The following ASIC2 variants were observed in gnomAD, a reference collection of about 807,000 sequenced individuals.
The protein encoded by ASIC2 is acid-sensing ion channel 2.
In ASIC2, 25 loss-of-function variants were observed where a neutral mutation model predicts 57.3. The observed-to-expected ratio is 0.44, with a 90% CI of 0.32 to 0.61. ASIC2 has a LOEUF of 0.61. ASIC2 is among the 20% of genes least tolerant of loss of function. ASIC2 has a pLI of 0.06. For missense variants in ASIC2, 641 were observed against 738.1 expected (o/e 0.87, Z 1.52); for synonymous variants, 319 against 307.5 (o/e 1.04, Z -0.39).
intron 1 of ASIC2, among the ~76,000 whole-genome samples, chr17:33,599,805 C>T (rs987643713): frequency 6.6e-6 from 1 of 152,126 alleles, no homozygotes; most frequent in African/African-American, 2.4e-5. Flanking sequence ...TGATTGCATC[C>T]TTGCTCCTCT....
intron 1 of ASIC2, among the ~76,000 whole-genome samples, chr17:33,975,768 C>T (rs1905364755): frequency 6.6e-6 from 1 of 152,108 alleles, no homozygotes; most frequent in Non-Finnish European, 1.5e-5. Flanking sequence ...TGTTTGCCTA[C>T]ATTTCTGTCT....
At chr17:33,424,423 C>T (rs898012237) in intron 1 of ASIC2, among the ~76,000 whole-genome samples, 6 of 151,994 alleles carry the variant, frequency 3.9e-5, no homozygotes, top group Non-Finnish European at 5.9e-5. Flanking sequence ...GTGGGGAGTC[C>T]GGGGAAAGCA....
At chr17:33,464,536 CTT>C (rs1175550882) in intron 1 of ASIC2, among the ~76,000 whole-genome samples, 4 of 31,052 alleles carry the variant, frequency 1.3e-4, no homozygotes, top group Non-Finnish European at 2.7e-4. Flanking sequence ...TTCTTTCTTT[CTT>C]TCTCTTTCTT....
chr17:33,770,468 TGCCAC>T (rs1911064547), intron 1 of ASIC2, among the ~76,000 whole-genome samples: 2 of 152,328 alleles, frequency 1.3e-5, no homozygotes, highest in African/African-American at 4.8e-5. Flanking sequence ...TTGTTGTTTT[TGCCAC>T]GACTGCTATT....
chr17:33,672,980 G>A (rs1249017443), intron 1 of ASIC2, among the ~76,000 whole-genome samples: 1 of 152,174 alleles, frequency 6.6e-6, no homozygotes, highest in African/African-American at 2.4e-5. Flanking sequence ...GTTACATAAC[G>A]CCCAGCATGT....
chr17:33,695,491 GA>G, intron 1 of ASIC2, among the ~76,000 whole-genome samples: 1 of 152,080 alleles, frequency 6.6e-6, no homozygotes, highest in East Asian at 1.9e-4. Context: ...TAAAAATTAT[GA>G]AAAAATGTAA....
chr17:33,732,434 A>C (rs1156377564), intron 1 of ASIC2, among the ~76,000 whole-genome samples: 1 of 152,028 alleles, frequency 6.6e-6, no homozygotes, highest in Non-Finnish European at 1.5e-5. Flanking sequence ...GTATTGATAG[A>C]AACTGATCTC....
intron 1 of ASIC2, among the ~76,000 whole-genome samples, chr17:33,917,862 A>ACACACACACACACACACGTGCATGTG (rs1336119381): frequency 1.0e-4 from 15 of 147,008 alleles, no homozygotes; most frequent in Non-Finnish European, 2.2e-4. Flanking sequence ...CGGTACACAC[A>ACACACACACACACACACGTGCATGTG]CACACACACA....
At chr17:34,087,437 G>T (rs1165678625) in intron 1 of ASIC2, among the ~76,000 whole-genome samples, 3 of 150,820 alleles carry the variant, frequency 2.0e-5, no homozygotes, top group Non-Finnish European at 4.4e-5. Context: ...TTCCCTTTGT[G>T]GGTAACCCGA....
In ASIC2 at chr17:33,985,285, A is replaced by G. The variant is rs1351659399; in HGVS notation, c.555+170693T>C. Among the ~76,000 whole-genome samples, 5 of 151,736 alleles carry G rather than the reference A, an allele frequency of 3.3e-5. No individual in the cohort carries two copies. The East Asian group carries it at 9.7e-4, about 29-fold the overall frequency. On this transcript the variant is annotated intron_variant, in intron 1 of 9. Transcript: ENST00000359872. The stretch of plus-strand genomic sequence containing the variant: ...TTCTCTGAAAATTATGCCCACCCCA[A>G]CCTCCCCCCACTCACACATACGACT...
At chr17:34,113,023 A>C (rs1454088982) in intron 1 of ASIC2, among the ~76,000 whole-genome samples, 1 of 152,178 alleles carries the variant, frequency 6.6e-6, no homozygotes, top group African/African-American at 2.4e-5. Context: ...TCAGGGGCTA[A>C]GCAAGCACTG....
At chr17:33,399,387 G>A (rs150667252) in intron 1 of ASIC2, among the ~76,000 whole-genome samples, 4 of 152,260 alleles carry the variant, frequency 2.6e-5, no homozygotes, top group East Asian at 3.9e-4. Context: ...GGTGAGGGAC[G>A]ATCAGGAGGA....
chr17:33,226,173 AATTGGTTTGTT>A (rs909098101), intron 1 of ASIC2, among the ~76,000 whole-genome samples: 3 of 152,080 alleles, frequency 2.0e-5, no homozygotes, highest in Admixed American at 6.5e-5. Flanking sequence ...TAACAAACCC[AATTGGTTTGTT>A]ATTGGTTTGT....
rs567586488 is a variant in ASIC2, at chr17:33,312,460, C to A, written c.556-200393G>T. ...GTAGAGAAAGCATCGTGGAACCCAC[C>A]CTTAGAGCCAATATGGCAGACATCA... On this transcript the variant is annotated intron_variant, in intron 1 of 9. Transcript: ENST00000359872. Among the ~76,000 whole-genome samples the A allele has an allele frequency of 9.7e-4, 148 of 152,240 alleles. 1 individual carries two copies. Among genetic ancestry groups the A allele is most frequent in the African/African-American group, 3.4e-3 (141 of 41,536 alleles).
At chr17:33,185,130 C>T (rs1906139809) in intron 1 of ASIC2, among the ~76,000 whole-genome samples, 1 of 152,194 alleles carries the variant, frequency 6.6e-6, no homozygotes, top group Non-Finnish European at 1.5e-5. Flanking sequence ...CTGACTATGC[C>T]TGGTCTGTGA....
intron 1 of ASIC2, among the ~76,000 whole-genome samples, chr17:33,805,202 T>C (rs914920452): frequency 6.6e-6 from 1 of 152,208 alleles, no homozygotes; most frequent in Non-Finnish European, 1.5e-5. Flanking sequence ...CTCTTTCAGA[T>C]TGATGTTACA....
rs142624462 is a variant in ASIC2 at position 34,029,178 on chromosome 17, A to G, written c.555+126800T>C. On this transcript the variant is annotated intron_variant, in intron 1 of 9. Transcript: ENST00000359872. ...ATTTGTTTTCATACAACTCTTCCCC[A>G]TCTTATAAATTATATATTCTACTTG... Among the ~76,000 whole-genome samples, 973 of 152,124 alleles carry G rather than the reference A, an allele frequency of 6.4e-3. 13 individuals carry two copies. Among genetic ancestry groups the G allele is most frequent in the African/African-American group, 0.022 (909 of 41,492 alleles).
intron 1 of ASIC2, among the ~76,000 whole-genome samples, chr17:33,972,743 G>A (rs1018440237): frequency 2.0e-5 from 3 of 152,228 alleles, no homozygotes; most frequent in African/African-American, 7.2e-5. Context: ...AGAGAACACA[G>A]AACAGGTCAC....
At chr17:33,177,701 G>C (rs759205866) in intron 1 of ASIC2, among the ~76,000 whole-genome samples, 1 of 152,320 alleles carries the variant, frequency 6.6e-6, no homozygotes, top group Middle Eastern at 3.4e-3. Context: ...CTCAGTCTTA[G>C]GGGGTGGAGG....
Sources: gnomAD v4.1 joint callset for allele counts (sites outside exome capture counted in the v4.1 genomes callset) on GRCh38, gnomAD v4.1.1 for gene constraint, MANE v1.5 for transcripts, NCBI Gene and HGNC (gene_info 2026-07-23, HGNC 2026-07-21) for gene names.